Variants in HNRNPK observed in about 807,000 individuals in gnomAD.
HNRNPK encodes dC-stretch binding protein.
In HNRNPK, 7 loss-of-function variants were observed where a neutral mutation model predicts 67.0. The ratio of observed to expected loss-of-function variants is 0.10; its 90% CI spans 0.06 to 0.20. HNRNPK has a LOEUF of 0.20. Among genes scored for constraint, HNRNPK ranks in the 10% least tolerant of loss-of-function variants. HNRNPK has a pLI of 1.00. For missense variants in HNRNPK, 264 were observed against 606.5 expected (o/e 0.44, Z 5.93); for synonymous variants, 213 against 193.7 (o/e 1.10, Z -0.83).
Position 83,970,803 on chromosome 9 carries a change from C to T in HNRNPK, c.1125G>A (p.Gly375=), listed in dbSNP as rs1324365105. The change falls in exon 15 of 17, where the codon GGG becomes GGA. Residue 375 remains glycine, a synonymous_variant. Transcript: ENST00000376263. ...GGSGYDYSYA[G]GRGSYGDLGG... ...CAAGATCACCATATGAGCCACGACCCCCTGCATAGGAATAATCTGATTTAA... is the reference window on the plus strand; with the variant it reads ...CAAGATCACCATATGAGCCACGACCTCCTGCATAGGAATAATCTGATTTAA... 1.2e-6 allele frequency: 2 copies of T among 1,610,234 alleles called. No homozygotes were observed. Among genetic ancestry groups the T allele is most frequent in the African/African-American group, 1.3e-5 (1 of 74,578 alleles).
intron 5 of HNRNPK, chr9:83,976,751 A>G (rs890908985): frequency 5.6e-6 from 2 of 360,108 alleles, no homozygotes; most frequent in East Asian, 4.1e-5. Flanking sequence ...GATGAAGTGA[A>G]TAATTTGGTG....
chr9:83,970,588 G>A (rs1476493235), intron 15 of HNRNPK, 149 bp downstream of exon 15: 4 of 675,512 alleles, frequency 5.9e-6, no homozygotes, highest in African/African-American at 1.8e-5. Context: ...GACTCAAACA[G>A]CTGAAAACCC....
chr9:83,979,264 C>G (rs1957237293), intron 1 of HNRNPK, among the ~76,000 whole-genome samples: 1 of 152,226 alleles, frequency 6.6e-6, no homozygotes, highest in Non-Finnish European at 1.5e-5. Context: ...GCCTCCCATT[C>G]TCCCATACCG....
rs1177999917 is a variant in HNRNPK at position 83,970,839 on chromosome 9, G to GT, written c.1109-21dup. 6.2e-7 allele frequency: 1 copy of GT among 1,603,390 alleles called. No homozygotes were observed. Among genetic ancestry groups the GT allele is most frequent in the Non-Finnish European group, 8.5e-7 (1 of 1,170,388 alleles). ...AATAATCTGATTTAAATAATGAGCA[G>GT]TAAGTTCATTTAAAAAGTATGAAAT... On this transcript the variant is annotated intron_variant, in intron 14 of 16. Coordinates refer to ENST00000376263, the MANE Select transcript of HNRNPK (RefSeq NM_031263.4).
chr9:83,971,031 T>C (rs2133022072), intron 13 of HNRNPK, 119 bp from the exon 14 acceptor site: 6 of 1,034,208 alleles, frequency 5.8e-6, no homozygotes, highest in Non-Finnish European at 8.8e-6. Context: ...GGTCTCAAAC[T>C]CTCGGGCTCA....
rs1393211334 is a variant in HNRNPK at position 83,969,341 on chromosome 9, T to C, written c.*66A>G. The C allele has an allele frequency of 1.0e-6, 1 of 988,302 alleles. No individual in the cohort carries two copies. Among genetic ancestry groups the C allele is most frequent in the African/African-American group, 1.6e-5 (1 of 62,022 alleles). The allele number at this position is 988,302 out of a possible 1,614,324, so 61.2% of individuals were successfully genotyped here. On this transcript the variant is annotated 3_prime_UTR_variant, in exon 17 of 17. Coordinates refer to ENST00000376263, the MANE Select transcript of HNRNPK (RefSeq NM_031263.4). ...AAAGATGCAGGACTCCTTCAGTTCT[T>C]CACTAGTCTTAGAAAAACTTTCCAG...
Position 83,970,674 on chromosome 9 carries a change from T to C in HNRNPK, c.1191+63A>G, listed in dbSNP as rs971594875. On this transcript the variant is annotated intron_variant, in intron 15 of 16. Transcript: ENST00000376263. ...TTAAAACCTTCTGAATTAAAAAATATACAGAAAGGAGGAATAATCATAAAA... is the reference window on the plus strand; with the variant it reads ...TTAAAACCTTCTGAATTAAAAAATACACAGAAAGGAGGAATAATCATAAAA... 7.1e-5 allele frequency: 77 copies of C among 1,089,334 alleles called. No homozygotes were observed. In the African/African-American group the frequency reaches 1.0e-3, roughly 14 times the overall value. The allele number at this position is 1,089,334 out of a possible 1,614,324, so 67.5% of individuals were successfully genotyped here.
chr9:83,973,578 G>A (rs1191144249), intron 8 of HNRNPK, among the ~76,000 whole-genome samples, 179 bp from the exon 9 acceptor site: 1 of 152,080 alleles, frequency 6.6e-6, no homozygotes, highest in Non-Finnish European at 1.5e-5. Context: ...AGGACATTCT[G>A]CACCACCTTA....
chr9:83,972,288 C>G, intron 10 of HNRNPK, 99 bp from the exon 11 acceptor site: 1 of 877,852 alleles, frequency 1.1e-6, no homozygotes, highest in Middle Eastern at 2.3e-4. Context: ...GTAAGTCATT[C>G]CCCCATCAGG....
rs771688241 is a variant in HNRNPK at position 83,969,758 on chromosome 9, A to ATGGCCTG, written c.1362-325_1362-319dup. On this transcript the variant is annotated intron_variant, in intron 16 of 16. Transcript: ENST00000376263. ...CACCAATCATTTGTCCTGTAGAGGC[A>ATGGCCTG]TGGCCTGTGCCATATGGCAGACTGT... 3.3e-5 allele frequency: 22 copies of ATGGCCTG among 659,710 alleles called. 1 individual carries two copies. The highest frequency in any genetic ancestry group is 3.1e-4 in the South Asian group (22 of 70,442). 40.9% of individuals were successfully genotyped at this position (659,710 alleles called of 1,614,324 possible).
chr9:83,973,663 AAATT>A (rs1447139101), intron 8 of HNRNPK, among the ~76,000 whole-genome samples: 1 of 152,226 alleles, frequency 6.6e-6, no homozygotes, highest in African/African-American at 2.4e-5. Flanking sequence ...TGTTACCACA[AAATT>A]ATTATTAACA....
chr9:83,970,148 A>T lies in HNRNPK; in HGVS notation c.1361+14T>A. Reference sequence around the variant, plus strand: ...AGTATGTATAAGCTAACACAAAGCTAAACTTAAACTGACCTGTTCTGCAGC... The same window carrying T: ...AGTATGTATAAGCTAACACAAAGCTTAACTTAAACTGACCTGTTCTGCAGC... On this transcript the variant is annotated intron_variant, in intron 16 of 16. Transcript: ENST00000376263. 1 of 1,598,708 alleles carries T rather than the reference A, an allele frequency of 6.3e-7. No homozygotes were observed.
At chr9:83,978,482 T>C (rs1364828961) in intron 1 of HNRNPK, 30 bp from the exon 2 acceptor site, 49 of 738,884 alleles carry the variant, frequency 6.6e-5, no homozygotes, top group Non-Finnish European at 9.0e-5. Context: ...TCAGTTTTGC[T>C]TTTGTTTATT....
intron 3 of HNRNPK, 69 bp from the exon 4 acceptor site, chr9:83,977,855 G>T: frequency 1.0e-6 from 1 of 956,172 alleles, no homozygotes; most frequent in South Asian, 1.4e-5. Context: ...TCTGTTTCAA[G>T]AGACTTGTTG....
rs10868075 is a variant in HNRNPK at position 83,974,346 on chromosome 9, T to A, written c.330+171A>T. 0.38 allele frequency among the ~76,000 whole-genome samples: 55,220 copies of A among 143,730 alleles called. 12,446 individuals are homozygous for A. Among genetic ancestry groups the A allele is most frequent in the East Asian group, 0.61 (3,054 of 5,012 alleles). The allele number at this position is 143,730 out of a possible 152,430, so 94.3% of individuals were successfully genotyped here. A position where few individuals can be genotyped will look rare whatever the true frequency, so the allele number is the denominator to read the frequency against. On this transcript the variant is annotated intron_variant, in intron 7 of 16. Coordinates refer to ENST00000376263, the MANE Select transcript of HNRNPK (RefSeq NM_031263.4). Reference sequence around the variant, plus strand: ...GGAGTGGCCAGCCTGTTTTTTTTTTTAAAAAAAAAAAAACAAATTACGCAT... The same window carrying A: ...GGAGTGGCCAGCCTGTTTTTTTTTTAAAAAAAAAAAAAACAAATTACGCAT...
At chr9:83,975,782 C>T in intron 5 of HNRNPK, 1 of 490,132 alleles carries the variant, frequency 2.0e-6, no homozygotes, top group Non-Finnish European at 3.7e-6. Flanking sequence ...AAACTATACT[C>T]ATACTCTCAA....
intron 7 of HNRNPK, 128 bp from the exon 8 acceptor site, chr9:83,974,101 T>C: frequency 1.7e-6 from 1 of 603,254 alleles, no homozygotes; most frequent in East Asian, 2.9e-5. Context: ...ACTGCTTTAT[T>C]CAACATTAAG....
chr9:83,973,528 C>T, intron 8 of HNRNPK, 129 bp from the exon 9 acceptor site: 1 of 652,702 alleles, frequency 1.5e-6, no homozygotes, highest in Non-Finnish European at 2.8e-6. Flanking sequence ...AATAACTTTA[C>T]CAGTTATGTG....
Position 83,972,022 on chromosome 9 carries a change from A to G in HNRNPK, c.813T>C (p.Arg271=). ...AATCTCTTCTAGATGGAGGCATGGG[A>G]CGCCCACCCCGACCAGGAGGCATTC... ...FDRMPPGRGG[R]PMPPSRRDYD... is the part of the protein sequence containing the mutation. Residue 271 remains arginine, a synonymous_variant, in exon 11 of 17, where the codon CGT becomes CGC. Coordinates refer to ENST00000376263, the MANE Select transcript of HNRNPK (RefSeq NM_031263.4). 6.2e-7 allele frequency: 1 copy of G among 1,613,736 alleles called. No homozygotes were observed. The highest frequency in any genetic ancestry group is 2.2e-5 in the East Asian group (1 of 44,858).
Sources: allele counts gnomAD v4.1 joint callset (sites outside exome capture counted in the v4.1 genomes callset), GRCh38; gene constraint gnomAD v4.1.1; transcripts MANE v1.5; gene names NCBI Gene and HGNC (gene_info 2026-07-23, HGNC 2026-07-21).